PAPPA: variants seen among roughly 807,000 people sequenced by gnomAD.
The protein encoded by PAPPA is pappalysin-1.
In PAPPA, 60 loss-of-function variants were observed where a neutral mutation model predicts 164.0. The observed-to-expected ratio is 0.37, with a 90% CI of 0.30 to 0.45. PAPPA has a LOEUF of 0.45. PAPPA is among the 20% of genes least tolerant of loss of function. PAPPA has a pLI of 1.00. For missense variants in PAPPA, 1,782 were observed against 2,087.3 expected, an observed-to-expected ratio of 0.85 and a Z score of 2.85; for synonymous variants, 875 against 814.1, an observed-to-expected ratio of 1.07 and a Z score of -1.27.
intron 9 of PAPPA, among the ~76,000 whole-genome samples, chr9:116,278,141 A>T (rs779564391): frequency 6.6e-6 from 1 of 152,222 alleles, no homozygotes. Flanking sequence ...CAGAGTCTAC[A>T]CATTTTAACC....
chr9:116,157,513 T>A (rs1168982375), intron 1 of PAPPA, among the ~76,000 whole-genome samples: 1 of 152,158 alleles, frequency 6.6e-6, no homozygotes, highest in East Asian at 1.9e-4. Context: ...GATTGAAGAA[T>A]CCTTTAAGGC....
chr9:116,319,167 G>C (rs1488071768), intron 10 of PAPPA, among the ~76,000 whole-genome samples: 1 of 152,208 alleles, frequency 6.6e-6, no homozygotes, highest in Non-Finnish European at 1.5e-5. Context: ...GCATAATTAG[G>C]GAGACAGGGA....
chr9:116,175,935 C>T (rs571698446), intron 1 of PAPPA, among the ~76,000 whole-genome samples: 1 of 152,168 alleles, frequency 6.6e-6, no homozygotes. Flanking sequence ...AGGCTGTGCC[C>T]TCAACAACTA....
chr9:116,279,396 A>G (rs1845240728), intron 9 of PAPPA, among the ~76,000 whole-genome samples: 2 of 152,148 alleles, frequency 1.3e-5, no homozygotes, highest in South Asian at 4.1e-4. Context: ...GTTAGGATCA[A>G]GCTTGCCATC....
At chr9:116,267,497 A>C (rs544911139) in intron 8 of PAPPA, among the ~76,000 whole-genome samples, 2 of 152,254 alleles carry the variant, frequency 1.3e-5, no homozygotes, top group African/African-American at 4.8e-5. Flanking sequence ...TAGCATGTAC[A>C]AGATTCTGTT....
At chr9:116,342,655 CA>C (rs1310370617) in intron 13 of PAPPA, among the ~76,000 whole-genome samples, 1 of 151,944 alleles carries the variant, frequency 6.6e-6, no homozygotes, top group East Asian at 1.9e-4. Context: ...AAACAAAAAA[CA>C]AAAAACAAAA....
intron 10 of PAPPA, among the ~76,000 whole-genome samples, chr9:116,325,423 C>T (rs1012734936): frequency 6.6e-6 from 1 of 152,116 alleles, no homozygotes; most frequent in African/African-American, 2.4e-5. Context: ...GAGGGGGAAT[C>T]GGAGAGTCAG....
chr9:116,385,391 C>A (rs1846795704), intron 21 of PAPPA, among the ~76,000 whole-genome samples: 1 of 152,048 alleles, frequency 6.6e-6, no homozygotes, highest in Non-Finnish European at 1.5e-5. Flanking sequence ...CATGATCCAC[C>A]CACCTCAGCC....
chr9:116,290,628 A>C (rs1170129130), intron 9 of PAPPA, among the ~76,000 whole-genome samples: 1 of 152,030 alleles, frequency 6.6e-6, no homozygotes, highest in Non-Finnish European at 1.5e-5. Flanking sequence ...CAGGCTGCAG[A>C]GTTTGAGAAA....
chr9:116,184,945 G>A (rs537450919), intron 1 of PAPPA, among the ~76,000 whole-genome samples: 92 of 152,226 alleles, frequency 6.0e-4, no homozygotes, highest in Admixed American at 3.7e-3. Context: ...AAAACAGTTC[G>A]GCAGAGAGGG....
chr9:116,332,473 G>A lies in PAPPA; in HGVS notation c.3397+5G>A, dbSNP rs1221010928. ...AAGATCAGAGCCACGATCTAGGTAA[G>A]CATGCTCTCTTGGTCTTGGCTTGCT... is the stretch of plus-strand genomic sequence containing the variant. On this transcript the variant is annotated splice_donor_5th_base_variant and intron_variant, in intron 12 of 21. Transcript: ENST00000328252. The A allele has an allele frequency of 6.2e-7, 1 of 1,609,642 alleles. No homozygotes were observed. Among genetic ancestry groups the A allele is most frequent in the Non-Finnish European group, 8.5e-7 (1 of 1,176,380 alleles).
intron 9 of PAPPA, among the ~76,000 whole-genome samples, chr9:116,284,851 G>A (rs142399491): frequency 9.9e-4 from 150 of 151,882 alleles, no homozygotes; most frequent in African/African-American, 2.7e-3. Flanking sequence ...AGTCTCTCTC[G>A]CCCCATGATC....
intron 10 of PAPPA, among the ~76,000 whole-genome samples, chr9:116,317,827 C>A (rs2118920719): frequency 6.6e-6 from 1 of 152,316 alleles, no homozygotes; most frequent in East Asian, 1.9e-4. Flanking sequence ...TTCATCCTGA[C>A]TGAAGTTAAC....
intron 1 of PAPPA, among the ~76,000 whole-genome samples, chr9:116,174,482 G>T (rs1389214062): frequency 6.6e-6 from 1 of 152,046 alleles, no homozygotes; most frequent in African/African-American, 2.4e-5. Flanking sequence ...TGCCCATGTG[G>T]GAATCTTCCC....
chr9:116,241,093 G>T (rs1373699866), intron 7 of PAPPA, among the ~76,000 whole-genome samples: 3 of 152,262 alleles, frequency 2.0e-5, no homozygotes, highest in Admixed American at 2.0e-4. Context: ...ACATTCTTGT[G>T]AGTCCAAATT....
intron 9 of PAPPA, among the ~76,000 whole-genome samples, chr9:116,279,596 T>A (rs1564208460): frequency 6.6e-6 from 1 of 152,132 alleles, no homozygotes. Flanking sequence ...TGGTGCTTGC[T>A]TGAATGTGAG....
chr9:116,258,704 A>T (rs565226426), intron 7 of PAPPA, among the ~76,000 whole-genome samples: 11 of 152,300 alleles, frequency 7.2e-5, no homozygotes, highest in Admixed American at 3.9e-4. Flanking sequence ...TACTGAAATG[A>T]TATATGGCAA....
At chr9:116,257,767 G>A (rs555637493) in intron 7 of PAPPA, among the ~76,000 whole-genome samples, 25 of 151,792 alleles carry the variant, frequency 1.6e-4, no homozygotes, top group African/African-American at 5.8e-4. Context: ...TTCATCTACT[G>A]GAAACAATAT....
intron 1 of PAPPA, among the ~76,000 whole-genome samples, chr9:116,160,285 C>A (rs1843651653): frequency 6.6e-6 from 1 of 152,198 alleles, no homozygotes; most frequent in Non-Finnish European, 1.5e-5. Context: ...CTCCAAACCC[C>A]TGGGTGCCAC....
Sources: gnomAD v4.1 joint callset for allele counts (sites outside exome capture counted in the v4.1 genomes callset) on GRCh38, gnomAD v4.1.1 for gene constraint, MANE v1.5 for transcripts, NCBI Gene and HGNC (gene_info 2026-07-23, HGNC 2026-07-21) for gene names.